CHCHD3: variants seen among roughly 807,000 people sequenced by gnomAD.
CHCHD3 encodes MICOS complex subunit MIC19.
A neutral mutation model predicts 38.2 loss-of-function variants in CHCHD3; 20 were observed. That is an observed-to-expected ratio of 0.52 (90% CI 0.37 to 0.76). The LOEUF is 0.76. Among genes scored for constraint, CHCHD3 ranks in the 30% least tolerant of loss-of-function variants. The probability of loss-of-function intolerance (pLI) is 0.00; values close to 1 mark genes in which losing one functional copy is unlikely to be tolerated. For missense variants in CHCHD3, 245 were observed against 279.2 expected (o/e 0.88, Z 0.87); for synonymous variants, 82 against 100.0 (o/e 0.82, Z 1.07).
At position 132,874,263 on chromosome 7, in the gene CHCHD3, C is replaced by T. The variant is rs115315821; in HGVS notation, c.453+11399G>A. 3.8e-3 allele frequency among the ~76,000 whole-genome samples: 584 copies of T among 152,210 alleles called. 3 individuals are homozygous for T. Among genetic ancestry groups the T allele is most frequent in the African/African-American group, 0.013 (556 of 41,514 alleles). ...CTGAACTCCAGTTCTAAACGTTTTA[C>T]GAAGACAAATTAAATTGCAGAGCAT... On this transcript the variant is annotated intron_variant, in intron 5 of 7. Transcript: ENST00000262570.
intron 3 of CHCHD3, among the ~76,000 whole-genome samples, chr7:133,008,086 TGAG>T (rs1162878272): frequency 1.3e-5 from 2 of 152,164 alleles, no homozygotes; most frequent in African/African-American, 4.8e-5. Context: ...GAAAAAAACC[TGAG>T]GAGATAAGAA....
At chr7:132,860,879 C>T (rs1808474488) in intron 5 of CHCHD3, among the ~76,000 whole-genome samples, 1 of 152,210 alleles carries the variant, frequency 6.6e-6, no homozygotes, top group African/African-American at 2.4e-5. Flanking sequence ...CCGCCTCAGC[C>T]TCCCAAAGTG....
chr7:132,935,319 G>C (rs1411012472), intron 4 of CHCHD3, among the ~76,000 whole-genome samples: 1 of 152,230 alleles, frequency 6.6e-6, no homozygotes, highest in Non-Finnish European at 1.5e-5. Flanking sequence ...TGATTTTTCA[G>C]ACTGGAGGTT....
intron 4 of CHCHD3, among the ~76,000 whole-genome samples, chr7:132,958,157 A>C (rs936298777): frequency 4.6e-5 from 7 of 152,234 alleles, no homozygotes; most frequent in Non-Finnish European, 1.0e-4. Flanking sequence ...AAGAGGGCTT[A>C]TTATAAACAT....
At chr7:132,876,802 T>G (rs905549370) in intron 5 of CHCHD3, among the ~76,000 whole-genome samples, 9 of 152,280 alleles carry the variant, frequency 5.9e-5, no homozygotes, top group African/African-American at 2.2e-4. Context: ...ACCAACAGGA[T>G]TAATATGAAA....
chr7:132,948,033 A>G (rs551213520), intron 4 of CHCHD3, among the ~76,000 whole-genome samples: 4 of 152,224 alleles, frequency 2.6e-5, no homozygotes, highest in African/African-American at 7.2e-5. Flanking sequence ...TAAATAATAT[A>G]CAAAACTTGC....
chr7:133,040,497 A>C (rs111916754), intron 2 of CHCHD3, among the ~76,000 whole-genome samples: 12 of 152,136 alleles, frequency 7.9e-5, no homozygotes, highest in African/African-American at 2.2e-4. Context: ...ACCTGAATAA[A>C]TATACTTAAT....
chr7:133,059,291 G>A (rs1183727824), intron 2 of CHCHD3, among the ~76,000 whole-genome samples: 2 of 152,088 alleles, frequency 1.3e-5, no homozygotes, highest in Admixed American at 6.6e-5. Context: ...AGGAAGCCAG[G>A]GGTAACTTGG....
At chr7:132,855,443 G>A (rs1243793483) in intron 5 of CHCHD3, among the ~76,000 whole-genome samples, 1 of 152,188 alleles carries the variant, frequency 6.6e-6, no homozygotes, top group East Asian at 1.9e-4. Flanking sequence ...CAGGTGAACA[G>A]AAAAGTCAGT....
At chr7:133,045,252 G>A (rs1813950640) in intron 2 of CHCHD3, among the ~76,000 whole-genome samples, 1 of 152,200 alleles carries the variant, frequency 6.6e-6, no homozygotes, top group African/African-American at 2.4e-5. Context: ...TAAGCTGTCA[G>A]GCCTGACAAC....
chr7:132,959,677 C>G (rs1054450585), intron 4 of CHCHD3, among the ~76,000 whole-genome samples: 1 of 145,678 alleles, frequency 6.9e-6, no homozygotes, highest in African/African-American at 2.6e-5. Context: ...GAGCCGAGAT[C>G]GTGCCACTGT....
At chr7:132,895,097 A>G (rs1809460401) in intron 4 of CHCHD3, among the ~76,000 whole-genome samples, 1 of 152,232 alleles carries the variant, frequency 6.6e-6, no homozygotes, top group Non-Finnish European at 1.5e-5. Context: ...CAGTAAAATG[A>G]GAGCTCTCAC....
At chr7:132,807,498 TAA>T (rs938529350) in intron 6 of CHCHD3, among the ~76,000 whole-genome samples, 4 of 151,534 alleles carry the variant, frequency 2.6e-5, no homozygotes, top group African/African-American at 9.7e-5. Context: ...GAAAATGGAA[TAA>T]GAGTTTATGG....
At chr7:132,934,113 G>T (rs961813626) in intron 4 of CHCHD3, among the ~76,000 whole-genome samples, 3 of 152,204 alleles carry the variant, frequency 2.0e-5, no homozygotes, top group Admixed American at 2.0e-4. Flanking sequence ...CCAAGGCTGA[G>T]AACCACTACT....
intron 3 of CHCHD3, among the ~76,000 whole-genome samples, chr7:133,012,818 A>G (rs1584642487): frequency 1.7e-5 from 1 of 60,536 alleles, no homozygotes; most frequent in Non-Finnish European, 3.0e-5. Flanking sequence ...AAGAGAGGGG[A>G]GGGGAAGGGA....
intron 5 of CHCHD3, among the ~76,000 whole-genome samples, chr7:132,840,075 C>T (rs896090255): frequency 3.3e-5 from 5 of 152,100 alleles, no homozygotes; most frequent in Admixed American, 6.5e-5. Flanking sequence ...GTCTATATGC[C>T]GAGAGGTTTT....
chr7:133,043,434 G>A (rs1813887148), intron 2 of CHCHD3, among the ~76,000 whole-genome samples: 1 of 152,050 alleles, frequency 6.6e-6, no homozygotes, highest in African/African-American at 2.4e-5. Flanking sequence ...CTGACGTCAG[G>A]AGTCTGAGAC....
At chr7:132,812,663 C>G (rs532777166) in intron 6 of CHCHD3, among the ~76,000 whole-genome samples, 1 of 152,256 alleles carries the variant, frequency 6.6e-6, no homozygotes, top group African/African-American at 2.4e-5. Flanking sequence ...ATCAAAACAA[C>G]AACAACCAGA....
At chr7:132,921,655 AAC>A (rs1554388864) in intron 4 of CHCHD3, among the ~76,000 whole-genome samples, 2 of 152,094 alleles carry the variant, frequency 1.3e-5, no homozygotes, top group Admixed American at 6.6e-5. Flanking sequence ...CAACAACAAC[AAC>A]AAAACACAAA....
Sources: gnomAD v4.1 joint callset for allele counts (sites outside exome capture counted in the v4.1 genomes callset) on GRCh38, gnomAD v4.1.1 for gene constraint, MANE v1.5 for transcripts, NCBI Gene and HGNC (gene_info 2026-07-23, HGNC 2026-07-21) for gene names.